MAPK10: variants seen among roughly 807,000 people sequenced by gnomAD.
MAPK10 encodes mitogen-activated protein kinase 10, also known as JNK3 alpha protein kinase.
Under a neutral mutation model 59.3 loss-of-function variants are expected in MAPK10, and 25 were observed. That is an observed-to-expected ratio of 0.42 (90% CI 0.31 to 0.59). The LOEUF is 0.59. MAPK10 is among the 20% of genes least tolerant of loss of function. The pLI, the probability that MAPK10 is intolerant of heterozygous loss-of-function variation, is 0.15. For synonymous variants in MAPK10, 190 were observed against 200.5 expected (o/e 0.95, Z 0.44); for missense variants, 351 against 568.9 (o/e 0.62, Z 3.90).
intron 4 of MAPK10, among the ~76,000 whole-genome samples, chr4:86,154,141 CT>C (rs2067129601): frequency 6.6e-6 from 1 of 152,064 alleles, no homozygotes. Flanking sequence ...CTGATCAAGT[CT>C]GTTTTGTATT....
intron 1 of MAPK10, among the ~76,000 whole-genome samples, chr4:86,535,757 C>T (rs1758195007): frequency 6.6e-6 from 1 of 152,102 alleles, no homozygotes; most frequent in South Asian, 2.1e-4. Flanking sequence ...AAACAATCCT[C>T]AAAGGGAAAA....
At position 86,360,010 on chromosome 4, in the gene MAPK10, T is replaced by A; in HGVS notation, c.-474A>T. 1 of 985,914 alleles carries A rather than the reference T, an allele frequency of 1.0e-6. No individual in the cohort carries two copies. The highest frequency in any genetic ancestry group is 1.2e-6 in the Non-Finnish European group (1 of 829,974). The allele number at this position is 985,914 out of a possible 1,614,324, so 61.1% of individuals were successfully genotyped here. On this transcript the variant is annotated 5_prime_UTR_variant, in exon 1 of 14. Coordinates refer to ENST00000641462, the MANE Select transcript of MAPK10 (RefSeq NM_138982.4). ...GGCTTGCTGAATCACCCTCTTTCAC[T>A]GCCTGGAAACCATTGTGCAGCGTGA...
In MAPK10 at chr4:86,423,770, CATATATAT is replaced by C. The variant is rs539111577; in HGVS notation, c.-122+29252_-122+29259del. Among the ~76,000 whole-genome samples the C allele has an allele frequency of 6.6e-5, 6 of 91,600 alleles. No homozygotes were observed. The South Asian group carries it at 9.0e-4, about 14-fold the overall frequency. The allele number at this position is 91,600 out of a possible 152,430, so 60.1% of individuals were successfully genotyped here. On this transcript the variant is annotated intron_variant, in intron 1 of 13. Transcript: ENST00000361569. Reference sequence around the variant, plus strand: ...ATAAGTAATTAGTGGGATATATATACATATATATATATATATATATATATATGTTTAGG... The same window carrying C: ...ATAAGTAATTAGTGGGATATATATACATATATATATATATATATGTTTAGG...
chr4:86,187,696 A>C (rs1250392939), intron 3 of MAPK10, among the ~76,000 whole-genome samples: 1 of 152,154 alleles, frequency 6.6e-6, no homozygotes, highest in Non-Finnish European at 1.5e-5. Context: ...AAACTTGAAA[A>C]AATTACCTTT....
At chr4:86,529,782 ACT>A (rs1364017584) in intron 1 of MAPK10, among the ~76,000 whole-genome samples, 1 of 151,902 alleles carries the variant, frequency 6.6e-6, no homozygotes, top group Non-Finnish European at 1.5e-5. Flanking sequence ...ATTTCTGATG[ACT>A]CTATAAATTT....
intron 4 of MAPK10, chr4:86,127,455 T>C (rs2060260143): frequency 6.6e-6 from 1 of 152,058 alleles, no homozygotes; most frequent in African/African-American, 2.4e-5. Context: ...GTTTTCATAC[T>C]TTAAAATTCT....
At chr4:86,043,720 A>G (rs574473098) in intron 11 of MAPK10, among the ~76,000 whole-genome samples, 64 of 152,288 alleles carry the variant, frequency 4.2e-4, no homozygotes, top group African/African-American at 1.5e-3. Flanking sequence ...AAAAGAGTAC[A>G]GTGTCCTGGG....
intron 1 of MAPK10, among the ~76,000 whole-genome samples, chr4:86,509,048 C>T (rs1237255272): frequency 2.0e-5 from 3 of 150,990 alleles, no homozygotes; most frequent in Non-Finnish European, 4.4e-5. Flanking sequence ...CTTTTTTTTT[C>T]TGGATACTCT....
At chr4:86,089,668 A>G (rs1275939931) in intron 9 of MAPK10, 1 of 156,460 alleles carries the variant, frequency 6.4e-6, no homozygotes, top group Non-Finnish European at 1.4e-5. Flanking sequence ...TTACTCTTGT[A>G]TACGTATTTG....
intron 4 of MAPK10, among the ~76,000 whole-genome samples, chr4:86,158,355 T>C (rs747330361): frequency 1.1e-4 from 16 of 151,864 alleles, no homozygotes; most frequent in Non-Finnish European, 1.3e-4. Context: ...ACTTCTGACC[T>C]ACAGAACTGT....
At chr4:86,155,371 A>G (rs1030592621) in intron 4 of MAPK10, among the ~76,000 whole-genome samples, 1 of 151,870 alleles carries the variant, frequency 6.6e-6, no homozygotes, top group Non-Finnish European at 1.5e-5. Flanking sequence ...TATCATATAT[A>G]TAATATTTAA....
intron 3 of MAPK10, among the ~76,000 whole-genome samples, chr4:86,183,962 C>A (rs1420135258): frequency 2.6e-5 from 4 of 152,024 alleles, no homozygotes. Flanking sequence ...CTGTTCATGT[C>A]CTTTGCCCAC....
At chr4:86,454,663 T>A (rs978750007), upstream of MAPK10, among the ~76,000 whole-genome samples, 1 of 152,132 alleles carries the variant, frequency 6.6e-6, no homozygotes, top group Non-Finnish European at 1.5e-5. Flanking sequence ...AATAATGGTG[T>A]TCCTGAGGAA....
At chr4:86,411,533 G>C (rs1042567963) in intron 1 of MAPK10, among the ~76,000 whole-genome samples, 1 of 152,168 alleles carries the variant, frequency 6.6e-6, no homozygotes, top group African/African-American at 2.4e-5. Flanking sequence ...TTGTGTGGGA[G>C]TCTAAGTCTC....
At position 86,381,538 on chromosome 4, in the gene MAPK10, T is replaced by C. The variant is rs1740712092; in HGVS notation, c.-121-26894A>G. ...CTGTCTCTCAACTGGCTTCAGCCAA[T>C]GGAAGGCACTGCAGGATACTGGAAG... is the stretch of plus-strand genomic sequence containing the variant. On this transcript the variant is annotated intron_variant, in intron 1 of 13. Coordinates refer to the MAPK10 transcript ENST00000361569. Among the ~76,000 whole-genome samples, 5 of 152,248 alleles carry C rather than the reference T, an allele frequency of 3.3e-5. No homozygotes were observed. The South Asian group carries it at 1.0e-3, about 32-fold the overall frequency.
intron 1 of MAPK10, among the ~76,000 whole-genome samples, chr4:86,566,001 T>C (rs2149106271): frequency 6.6e-6 from 1 of 152,354 alleles, no homozygotes; most frequent in East Asian, 1.9e-4. Flanking sequence ...GACGGTATCC[T>C]TTCTTGAAGT....
At chr4:86,071,688 G>T (rs2048011163) in intron 9 of MAPK10, among the ~76,000 whole-genome samples, 2 of 151,432 alleles carry the variant, frequency 1.3e-5, no homozygotes, top group South Asian at 2.1e-4. Context: ...GTTTGTCAAA[G>T]ATCAGATAGT....
intron 3 of MAPK10, among the ~76,000 whole-genome samples, chr4:86,172,691 T>A (rs938295161): frequency 2.0e-5 from 3 of 151,136 alleles, no homozygotes; most frequent in Admixed American, 6.6e-5. Context: ...AACCTGCACA[T>A]TGTGCACATG....
intron 3 of MAPK10, among the ~76,000 whole-genome samples, chr4:86,189,046 A>T (rs1489185829): frequency 6.6e-6 from 1 of 152,046 alleles, no homozygotes; most frequent in Non-Finnish European, 1.5e-5. Context: ...TGAAGATCAG[A>T]TGGTTGTAGA....
Sources: allele counts gnomAD v4.1 joint callset (sites outside exome capture counted in the v4.1 genomes callset), GRCh38; gene constraint gnomAD v4.1.1; transcripts MANE v1.5; gene names NCBI Gene and HGNC (gene_info 2026-07-23, HGNC 2026-07-21).